Variants in CDH13 observed in about 807,000 individuals in gnomAD.
CDH13 encodes cadherin-13.
A neutral mutation model predicts 63.8 loss-of-function variants in CDH13; 24 were observed. That is an observed-to-expected ratio of 0.38 (90% confidence interval 0.27 to 0.53). CDH13 has a LOEUF of 0.53. Ranked by LOEUF, CDH13 falls within the 20% of genes least tolerant of loss-of-function variation. The probability of loss-of-function intolerance (pLI) is 0.85; values close to 1 mark genes in which losing one functional copy is unlikely to be tolerated. For synonymous variants in CDH13, 503 were observed against 355.3 expected, an observed-to-expected ratio of 1.42 and a Z score of -4.67; for missense variants, 1,049 against 903.1, an observed-to-expected ratio of 1.16 and a Z score of -2.07.
chr16:82,789,317 A>G (rs1480415980), intron 1 of CDH13, among the ~76,000 whole-genome samples: 1 of 152,216 alleles, frequency 6.6e-6, no homozygotes, highest in South Asian at 2.1e-4. Flanking sequence ...AGTTAAAAAC[A>G]GTGATTGTGA....
chr16:82,977,069 A>G (rs1255754889), intron 2 of CDH13, among the ~76,000 whole-genome samples: 2 of 152,200 alleles, frequency 1.3e-5, no homozygotes, highest in African/African-American at 4.8e-5. Context: ...TTTTTAAAAC[A>G]ACTAAATATA....
chr16:83,742,308 A>C (rs1251043315), intron 10 of CDH13, among the ~76,000 whole-genome samples: 2 of 152,150 alleles, frequency 1.3e-5, no homozygotes, highest in Non-Finnish European at 2.9e-5. Flanking sequence ...GAATTCTGTT[A>C]ATCAGTTTGC....
chr16:83,261,935 C>T (rs1264709254), intron 5 of CDH13, among the ~76,000 whole-genome samples: 1 of 152,112 alleles, frequency 6.6e-6, no homozygotes, highest in Non-Finnish European at 1.5e-5. Flanking sequence ...CCTCCCTTTG[C>T]TGATCAGATT....
At chr16:83,376,652 G>A (rs569412526) in intron 6 of CDH13, among the ~76,000 whole-genome samples, 15 of 152,286 alleles carry the variant, frequency 9.8e-5, no homozygotes, top group African/African-American at 3.1e-4. Flanking sequence ...TTGTGGTAGA[G>A]ATGGTGAGCA....
rs547802605 is a variant in CDH13 at position 83,161,983 on chromosome 16, T to A, written c.483+36482T>A. On this transcript the variant is annotated intron_variant, in intron 4 of 13. Transcript: ENST00000567109. ...CCATCTTTTTCTATCAGTGCCAAAT[T>A]CTCTCACTACTTTCCTGGTTCTAAT... Among the ~76,000 whole-genome samples, 15 of 152,328 alleles carry A rather than the reference T, an allele frequency of 9.8e-5. No homozygotes were observed. The South Asian group carries it at 2.7e-3, about 27-fold the overall frequency.
At chr16:83,678,489 C>T (rs376572042) in intron 10 of CDH13, 28 bp downstream of exon 10, 60 of 1,612,538 alleles carry the variant, frequency 3.7e-5, no homozygotes, top group East Asian at 8.9e-5. Flanking sequence ...GAACCACAGA[C>T]GGGAGGTGGG....
chr16:83,443,716 AAAAAAAAAAAAAAAAAAAAATATATAT>A (rs1567676140), intron 6 of CDH13, among the ~76,000 whole-genome samples: 4 of 93,030 alleles, frequency 4.3e-5, no homozygotes, highest in Non-Finnish European at 5.8e-5. Context: ...AAAAAAAAAA[AAAAAAAAAAAAAAAAAAAAATATATAT>A]ATATATATAT....
At position 83,695,458 on chromosome 16, in the gene CDH13, C is replaced by A. The variant is rs1351740378; in HGVS notation, c.1538+16997C>A. 3.9e-5 allele frequency among the ~76,000 whole-genome samples: 6 copies of A among 152,106 alleles called. No homozygotes were observed. In the South Asian group the frequency reaches 1.2e-3, roughly 32 times the overall value. ...GAGTTCAACCTGCGTGGCAGATGCT[C>A]TGGGCCAAGCCTGTGCCTACAACCT... is the stretch of plus-strand genomic sequence containing the variant. On this transcript the variant is annotated intron_variant, in intron 10 of 13. Transcript: ENST00000567109.
In CDH13 at chr16:83,348,392, C is replaced by T. The variant is rs865954621; in HGVS notation, c.781+3386C>T. On this transcript the variant is annotated intron_variant, in intron 6 of 13. Coordinates refer to ENST00000567109, the MANE Select transcript of CDH13 (RefSeq NM_001257.5). ...CCATTGAATCACCTCTAGGGTTCAA[C>T]GGTGTTAAGTGTTGAGGCCTTTGTC... is the stretch of plus-strand genomic sequence containing the variant. 3.3e-5 allele frequency among the ~76,000 whole-genome samples: 5 copies of T among 152,146 alleles called. No individual in the cohort carries two copies. The East Asian group carries it at 5.8e-4, about 18-fold the overall frequency.
intron 4 of CDH13, among the ~76,000 whole-genome samples, chr16:83,126,077 C>T (rs1297128047): frequency 1.3e-5 from 2 of 152,202 alleles, no homozygotes; most frequent in African/African-American, 4.8e-5. Context: ...ATTCTCCCCT[C>T]TTTAAGAGAG....
chr16:83,033,316 G>A (rs35444894), intron 3 of CDH13, among the ~76,000 whole-genome samples: 28,196 of 151,428 alleles, frequency 0.19, 2,738 homozygotes, highest in East Asian at 0.26. Context: ...ATATATATAC[G>A]GTGTATATGT....
chr16:83,193,105 C>T (rs2038773924), intron 4 of CDH13, among the ~76,000 whole-genome samples: 3 of 151,522 alleles, frequency 2.0e-5, no homozygotes. Context: ...CACCTACAGG[C>T]ATTGCTGTGA....
At chr16:83,563,085 G>C (rs1286593475) in intron 7 of CDH13, among the ~76,000 whole-genome samples, 2 of 152,220 alleles carry the variant, frequency 1.3e-5, no homozygotes, top group Non-Finnish European at 2.9e-5. Flanking sequence ...TACAGAGTAA[G>C]TATATGAATG....
intron 1 of CDH13, among the ~76,000 whole-genome samples, chr16:82,717,759 T>C (rs973314365): frequency 6.6e-5 from 10 of 152,216 alleles, no homozygotes; most frequent in Non-Finnish European, 1.2e-4. Flanking sequence ...TGGCCACATC[T>C]GCAATGTCTT....
In CDH13 at chr16:83,565,387, T is replaced by C. The variant is rs1378878300; in HGVS notation, c.961-37067T>C. On this transcript the variant is annotated intron_variant, in intron 7 of 13. Coordinates refer to ENST00000567109, the MANE Select transcript of CDH13 (RefSeq NM_001257.5). ...TTCCGTTCCTCTTCCACTGTTCTTTTTTTTTTTTTTTCTTAGTTGCAGAGT... is the reference window on the plus strand; with the variant it reads ...TTCCGTTCCTCTTCCACTGTTCTTTCTTTTTTTTTTTCTTAGTTGCAGAGT... 3.0e-3 allele frequency among the ~76,000 whole-genome samples: 456 copies of C among 149,658 alleles called. 5 individuals are homozygous for C. The highest frequency in any genetic ancestry group is 0.011 in the African/African-American group (435 of 40,934).
intron 2 of CDH13, among the ~76,000 whole-genome samples, chr16:82,911,561 A>T (rs1279555984): frequency 6.6e-6 from 1 of 152,020 alleles, no homozygotes; most frequent in Non-Finnish European, 1.5e-5. Flanking sequence ...TAAAATGGGG[A>T]TGGTAATAGA....
intron 4 of CDH13, among the ~76,000 whole-genome samples, chr16:83,167,690 G>A (rs962666125): frequency 6.9e-6 from 1 of 145,470 alleles, no homozygotes; most frequent in African/African-American, 2.6e-5. Flanking sequence ...TTATTTCATT[G>A]CTTTTTTTTT....
At chr16:82,795,228 G>T (rs1304616941) in intron 1 of CDH13, among the ~76,000 whole-genome samples, 1 of 152,170 alleles carries the variant, frequency 6.6e-6, no homozygotes, top group Non-Finnish European at 1.5e-5. Flanking sequence ...CTATTGGAAT[G>T]AATAATTTTC....
intron 2 of CDH13, among the ~76,000 whole-genome samples, chr16:82,884,956 C>T (rs2040831846): frequency 6.6e-6 from 1 of 152,190 alleles, no homozygotes; most frequent in African/African-American, 2.4e-5. Context: ...GAGAAAATCC[C>T]ATTTGCACAT....
Sources: allele counts gnomAD v4.1 joint callset (sites outside exome capture counted in the v4.1 genomes callset), GRCh38; gene constraint gnomAD v4.1.1; transcripts MANE v1.5; gene names NCBI Gene and HGNC (gene_info 2026-07-23, HGNC 2026-07-21).